The following CENPE variants were observed in gnomAD, a reference collection of about 807,000 sequenced individuals.
The protein encoded by CENPE is centromere protein E.
Under a neutral mutation model 336.1 loss-of-function variants are expected in CENPE, and 145 were observed. That is an observed-to-expected ratio of 0.43 (90% CI 0.38 to 0.50). The LOEUF (loss-of-function observed/expected upper bound fraction) is 0.50. Ranked by LOEUF, CENPE falls within the 20% of genes least tolerant of loss-of-function variation. The pLI is 0.00. For synonymous variants in CENPE, 1,013 were observed against 984.8 expected (o/e 1.03, Z -0.54); for missense variants, 2,719 against 3,023.3 (o/e 0.90, Z 2.36).
chr4:103,161,505 T>C, intron 18 of CENPE, 48 bp from the exon 19 acceptor site: 1 of 1,512,504 alleles, frequency 6.6e-7, no homozygotes, highest in Non-Finnish European at 8.8e-7. Context: ...TTTCACAGAG[T>C]TGGAAAATTC....
chr4:103,158,319 T>A lies in CENPE; in HGVS notation c.3014A>T (p.Lys1005Ile). 6.2e-7 allele frequency: 1 copy of A among 1,605,706 alleles called. No homozygotes were observed. The highest frequency in any genetic ancestry group is 1.1e-5 in the South Asian group (1 of 89,252). ...CTTTACCTTTTGCTGAAATTCATCT[T>A]TAGTTTCTCCTGTATTTTCCTCCAT... ...LHMEENTGET[K>I]DEFQQKMVGI... The change falls in exon 24 of 49, where the codon AAA becomes ATA. Residue 1005 changes from lysine (K) to isoleucine (I), a missense_variant. Coordinates refer to ENST00000265148, the MANE Select transcript of CENPE (RefSeq NM_001813.3).
chr4:103,106,160 C>G lies in CENPE; in HGVS notation c.*62G>C. Reference sequence around the variant, plus strand: ...ACAACATCATTACCAGGGATAGACACATAAACAAAGTCATTTCCAAATAAG... The same window carrying G: ...ACAACATCATTACCAGGGATAGACAGATAAACAAAGTCATTTCCAAATAAG... On this transcript the variant is annotated 3_prime_UTR_variant, in exon 49 of 49. Transcript: ENST00000265148. 1 of 1,147,028 alleles carries G rather than the reference C, an allele frequency of 8.7e-7. No homozygotes were observed. Among genetic ancestry groups the G allele is most frequent in the Admixed American group, 2.3e-5 (1 of 44,314 alleles). 71.1% of individuals were successfully genotyped at this position (1,147,028 alleles called of 1,614,324 possible).
At chr4:103,144,865 T>A (rs1349184676) in intron 32 of CENPE, among the ~76,000 whole-genome samples, 185 bp downstream of exon 32, 1 of 152,214 alleles carries the variant, frequency 6.6e-6, no homozygotes, top group Non-Finnish European at 1.5e-5. Flanking sequence ...CTGTCTTCTC[T>A]GAAATATTCT....
chr4:103,112,323 G>GTA (rs199568528), intron 46 of CENPE, among the ~76,000 whole-genome samples: 1,860 of 145,010 alleles, frequency 0.013, 31 homozygotes, highest in African/African-American at 0.037. Flanking sequence ...ACTTATAAGT[G>GTA]TATATATATA....
intron 9 of CENPE, among the ~76,000 whole-genome samples, chr4:103,185,434 G>A (rs1197976032): frequency 2.7e-5 from 4 of 150,586 alleles, no homozygotes; most frequent in Admixed American, 6.6e-5. Flanking sequence ...ATTTTAACTT[G>A]TTTTTATTAA....
chr4:103,116,950 AAAAT>A (rs1750181561), intron 44 of CENPE, among the ~76,000 whole-genome samples: 1 of 152,188 alleles, frequency 6.6e-6, no homozygotes, highest in Admixed American at 6.5e-5. Context: ...TTTATTTCTT[AAAAT>A]AAATATTTTT....
At chr4:103,160,867 G>T (rs753920211) in intron 20 of CENPE, 88 bp from the exon 21 acceptor site, 1 of 1,202,412 alleles carries the variant, frequency 8.3e-7, no homozygotes, top group Non-Finnish European at 1.2e-6. Context: ...CCTTTTTCAG[G>T]ATCAGGTAAA....
At chr4:103,132,543 A>T (rs989564299) in intron 42 of CENPE, 150 bp downstream of exon 42, 4 of 427,452 alleles carry the variant, frequency 9.4e-6, no homozygotes, top group Non-Finnish European at 8.6e-6. Context: ...GAAGAATAAT[A>T]CATTAGAGGA....
At chr4:103,115,863 T>G (rs557543443) in intron 45 of CENPE, among the ~76,000 whole-genome samples, 1 of 152,002 alleles carries the variant, frequency 6.6e-6, no homozygotes, top group African/African-American at 2.4e-5. Flanking sequence ...CCCAAGTAGC[T>G]GGGACTACAG....
chr4:103,119,168 C>T, intron 44 of CENPE, among the ~76,000 whole-genome samples: 1 of 151,978 alleles, frequency 6.6e-6, no homozygotes. Context: ...TAATATACCT[C>T]TTAATATATA....
At chr4:103,112,175 C>A (rs900526326) in intron 46 of CENPE, among the ~76,000 whole-genome samples, 1 of 149,772 alleles carries the variant, frequency 6.7e-6, no homozygotes, top group Non-Finnish European at 1.5e-5. Context: ...TATGTGTATA[C>A]ACTTATATGT....
chr4:103,178,991 G>A (rs1468140463), intron 13 of CENPE, among the ~76,000 whole-genome samples: 1 of 152,078 alleles, frequency 6.6e-6, no homozygotes, highest in East Asian at 1.9e-4. Context: ...TCAACAGCCT[G>A]ACATCTCAAA....
At position 103,140,934 on chromosome 4, in the gene CENPE, A is replaced by T. The variant is rs769382137; in HGVS notation, c.5634T>A (p.His1878Gln). Residue 1878 changes from histidine (H) to glutamine (Q), a missense_variant, in exon 36 of 49, where the codon CAT becomes CAA. Transcript: ENST00000265148. Reference protein sequence around the residue: ...IENLNLAQKLHENLEEMKSVM... With the variant: ...IENLNLAQKLQENLEEMKSVM... ...CAGATTTCATTTCTTCAAGGTTTTCATGAAGTTTCTGAGCCAAATTTAAAT... is the reference window on the plus strand; with the variant it reads ...CAGATTTCATTTCTTCAAGGTTTTCTTGAAGTTTCTGAGCCAAATTTAAAT... The T allele has an allele frequency of 6.2e-7, 1 of 1,612,472 alleles. No individual in the cohort carries two copies. The highest frequency in any genetic ancestry group is 8.5e-7 in the Non-Finnish European group (1 of 1,178,738).
intron 26 of CENPE, 94 bp from the exon 27 acceptor site, chr4:103,149,502 A>C: frequency 9.4e-7 from 1 of 1,066,734 alleles, no homozygotes; most frequent in Non-Finnish European, 1.3e-6. Context: ...ATCAGCATAT[A>C]AATAGGTAAG....
chr4:103,106,293 T>C lies in CENPE; in HGVS notation c.8035A>G (p.Ser2679Gly). 1 of 1,595,230 alleles carries C rather than the reference T, an allele frequency of 6.3e-7. No individual in the cohort carries two copies. Among genetic ancestry groups the C allele is most frequent in the Non-Finnish European group, 8.6e-7 (1 of 1,169,334 alleles). ...CAAGGACCTGGCTGAGAATCCACAC[T>C]CTCTGCTCCTGCATTTTGCACCTCT... is the stretch of plus-strand genomic sequence containing the variant. ...CPEVQNAGAE[S>G]VDSQPGPWHA... Residue 2679 changes from serine to glycine, a missense_variant, in exon 49 of 49, where the codon AGT becomes GGT. Ser to Gly is a moderately conservative substitution (Grantham distance 56). Coordinates refer to ENST00000265148, the MANE Select transcript of CENPE (RefSeq NM_001813.3).
intron 44 of CENPE, 92 bp downstream of exon 44, chr4:103,120,054 TGA>T: frequency 1.2e-6 from 1 of 860,634 alleles, no homozygotes; most frequent in Non-Finnish European, 1.8e-6. Context: ...TAAGTTGTTG[TGA>T]GAGGGAAGAA....
At chr4:103,164,981 A>G (rs1754783135) in intron 16 of CENPE, among the ~76,000 whole-genome samples, 1 of 152,184 alleles carries the variant, frequency 6.6e-6, no homozygotes, top group African/African-American at 2.4e-5. Flanking sequence ...GGCCATAGAT[A>G]ATGAAAACAT....
intron 13 of CENPE, among the ~76,000 whole-genome samples, chr4:103,179,956 T>C (rs1468914133): frequency 6.6e-6 from 1 of 152,242 alleles, no homozygotes; most frequent in Non-Finnish European, 1.5e-5. Flanking sequence ...TTGTTTTATA[T>C]TCTACACCAA....
At position 103,160,906 on chromosome 4, in the gene CENPE, T is replaced by A. The variant is rs112429448; in HGVS notation, c.2132-127A>T. 82 of 984,900 alleles carry A rather than the reference T, an allele frequency of 8.3e-5. No individual in the cohort carries two copies. In the African/African-American group the frequency reaches 1.1e-3, roughly 13 times the overall value. The allele number at this position is 984,900 out of a possible 1,614,324, so 61.0% of individuals were successfully genotyped here. On this transcript the variant is annotated intron_variant, in intron 20 of 48. Coordinates refer to ENST00000265148, the MANE Select transcript of CENPE (RefSeq NM_001813.3). ...TATTTGAAAAATAATCCCTTATGAT[T>A]TGAAACCCATGGAAATCTTTATAAA... is the stretch of plus-strand genomic sequence containing the variant.
Sources: allele counts gnomAD v4.1 joint callset (sites outside exome capture counted in the v4.1 genomes callset), GRCh38; gene constraint gnomAD v4.1.1; transcripts MANE v1.5; gene names NCBI Gene and HGNC (gene_info 2026-07-23, HGNC 2026-07-21).